OXR1: variants seen among roughly 807,000 people sequenced by gnomAD.
The protein encoded by OXR1 is oxidation resistance 1, also known as oxidation resistance protein 1.
OXR1 carries 41 observed loss-of-function variants against 104.6 expected under a neutral mutation model. The ratio of observed to expected loss-of-function variants is 0.39; its 90% confidence interval spans 0.31 to 0.51. The LOEUF (loss-of-function observed/expected upper bound fraction) is 0.51, where lower values mean the gene tolerates loss of function less well. OXR1 is among the 20% of genes least tolerant of loss of function. OXR1 has a pLI of 0.77. For synonymous variants in OXR1, 348 were observed against 348.4 expected (o/e 1.00, Z 0.01); for missense variants, 955 against 1,031.9 (o/e 0.93, Z 1.02).
At chr8:106,293,847 C>G (rs936302638) in intron 1 of OXR1, among the ~76,000 whole-genome samples, 2 of 152,098 alleles carry the variant, frequency 1.3e-5, no homozygotes, top group Non-Finnish European at 2.9e-5. Flanking sequence ...TAAACACTTC[C>G]CAAAACACCC....
At chr8:106,630,991 G>A (rs182519451) in intron 3 of OXR1, among the ~76,000 whole-genome samples, 70 of 152,154 alleles carry the variant, frequency 4.6e-4, no homozygotes, top group African/African-American at 1.6e-3. Context: ...ATAGTTACTG[G>A]GCATGAAGAT....
At chr8:106,721,703 C>G (rs974074943) in intron 11 of OXR1, among the ~76,000 whole-genome samples, 2 of 152,158 alleles carry the variant, frequency 1.3e-5, no homozygotes, top group African/African-American at 2.4e-5. Context: ...ATATAAACCT[C>G]TATACTATTA....
At chr8:106,408,428 C>A (rs1307953583) in intron 2 of OXR1, among the ~76,000 whole-genome samples, 1 of 152,108 alleles carries the variant, frequency 6.6e-6, no homozygotes, top group East Asian at 1.9e-4. Context: ...TCCTCCTCCC[C>A]CTGCTTAAGT....
intron 15 of OXR1, among the ~76,000 whole-genome samples, chr8:106,742,963 A>G: frequency 6.6e-6 from 1 of 152,174 alleles, no homozygotes; most frequent in Non-Finnish European, 1.5e-5. Flanking sequence ...CTAATTAAAG[A>G]GCTTCTGTAC....
chr8:106,505,083 G>T (rs569439500), intron 2 of OXR1, among the ~76,000 whole-genome samples: 172 of 152,302 alleles, frequency 1.1e-3, no homozygotes, highest in African/African-American at 3.9e-3. Flanking sequence ...ATTGGTCCAG[G>T]TTATAGATCA....
intron 7 of OXR1, among the ~76,000 whole-genome samples, chr8:106,700,291 A>G (rs1830473318): frequency 1.3e-5 from 2 of 152,148 alleles, no homozygotes; most frequent in Admixed American, 1.3e-4. Context: ...CTTTGGTATA[A>G]GCTTATGATT....
chr8:106,643,991 T>C (rs760536898), intron 3 of OXR1, among the ~76,000 whole-genome samples: 1 of 152,234 alleles, frequency 6.6e-6, no homozygotes, highest in South Asian at 2.1e-4. Flanking sequence ...GAGAACAGTA[T>C]GTAAAACATA....
At chr8:106,394,905 A>C (rs1368903360) in intron 2 of OXR1, among the ~76,000 whole-genome samples, 4 of 152,138 alleles carry the variant, frequency 2.6e-5, no homozygotes, top group Non-Finnish European at 4.4e-5. Flanking sequence ...TATGCAAATA[A>C]ATTTTCAAAA....
chr8:106,688,014 T>C (rs1587093634), intron 6 of OXR1, among the ~76,000 whole-genome samples: 1 of 152,170 alleles, frequency 6.6e-6, no homozygotes, highest in African/African-American at 2.4e-5. Flanking sequence ...GTCGATATAG[T>C]AATAGCTACC....
At chr8:106,287,148 CAG>C (rs564319979) in intron 1 of OXR1, among the ~76,000 whole-genome samples, 1 of 152,130 alleles carries the variant, frequency 6.6e-6, no homozygotes, top group South Asian at 2.1e-4. Flanking sequence ...AGCAGAAAAA[CAG>C]AGGAACTAAA....
chr8:106,606,467 A>ATTTTTT (rs34425594), intron 3 of OXR1, among the ~76,000 whole-genome samples: 2 of 136,928 alleles, frequency 1.5e-5, no homozygotes, highest in Non-Finnish European at 3.1e-5. Flanking sequence ...TGCCTGGCTA[A>ATTTTTT]TTTTTTTTTT....
chr8:106,468,039 C>T (rs1385241994), intron 2 of OXR1, among the ~76,000 whole-genome samples: 2 of 151,652 alleles, frequency 1.3e-5, no homozygotes, highest in African/African-American at 4.8e-5. Context: ...ATCCATTAGT[C>T]TGTGGTGGTA....
At chr8:106,326,685 G>A (rs1437169526) in intron 1 of OXR1, among the ~76,000 whole-genome samples, 2 of 152,174 alleles carry the variant, frequency 1.3e-5, no homozygotes, top group Non-Finnish European at 2.9e-5. Context: ...ATTCCAGGCA[G>A]AGGGACCAGC....
intron 3 of OXR1, among the ~76,000 whole-genome samples, chr8:106,535,001 C>T (rs1192885824): frequency 1.3e-5 from 2 of 152,028 alleles, no homozygotes; most frequent in Admixed American, 6.6e-5. Context: ...CTCGCTCTGT[C>T]GCCCAGGCTG....
chr8:106,508,251 TAGAA>T (rs1210348765), intron 2 of OXR1, among the ~76,000 whole-genome samples: 4 of 152,232 alleles, frequency 2.6e-5, no homozygotes, highest in East Asian at 3.8e-4. Flanking sequence ...TCTTCTGTAA[TAGAA>T]AGAAAAGTTT....
Position 106,450,839 on chromosome 8 carries a change from C to T in OXR1, c.24-68104C>T, listed in dbSNP as rs80037763. Among the ~76,000 whole-genome samples, 317 of 151,928 alleles carry T rather than the reference C, an allele frequency of 2.1e-3. 1 individual carries two copies. The highest frequency in any genetic ancestry group is 3.4e-3 in the Non-Finnish European group (234 of 67,990). On this transcript the variant is annotated intron_variant, in intron 2 of 16. Transcript: ENST00000517566. ...CGATTGATAATTTGCCTGTGCACCT[C>T]AGAAAAGTAATTCCTTTCTTAAGAA... is the stretch of plus-strand genomic sequence containing the variant.
chr8:106,419,601 A>G (rs180800549), intron 2 of OXR1, among the ~76,000 whole-genome samples: 3 of 152,274 alleles, frequency 2.0e-5, no homozygotes, highest in African/African-American at 7.2e-5. Flanking sequence ...GCCTCCCAAC[A>G]GGGCAGTTAG....
At chr8:106,514,264 T>C (rs549177782) in intron 2 of OXR1, among the ~76,000 whole-genome samples, 2 of 152,184 alleles carry the variant, frequency 1.3e-5, no homozygotes, top group Non-Finnish European at 1.5e-5. Context: ...TTAAGAACAT[T>C]GTTAAAAATT....
intron 11 of OXR1, among the ~76,000 whole-genome samples, chr8:106,735,248 C>T (rs1834264596): frequency 6.6e-6 from 1 of 150,958 alleles, no homozygotes; most frequent in Admixed American, 6.6e-5. Context: ...GTATCCTCAC[C>T]CATCAGGGCA....
Sources: allele counts gnomAD v4.1 joint callset (sites outside exome capture counted in the v4.1 genomes callset), GRCh38; gene constraint gnomAD v4.1.1; transcripts MANE v1.5; gene names NCBI Gene and HGNC (gene_info 2026-07-23, HGNC 2026-07-21).